Variants in IL15 observed in about 807,000 individuals in gnomAD.
IL15 encodes interleukin 15.
IL15 carries 11 observed loss-of-function variants against 19.6 expected under a neutral mutation model. That is an observed-to-expected ratio of 0.56 (90% CI 0.35 to 0.93). IL15 has a LOEUF of 0.93. Among genes scored for constraint, IL15 ranks in the 40% least tolerant of loss-of-function variants. The pLI is 0.01. For missense variants in IL15, 197 were observed against 186.5 expected (o/e 1.06, Z -0.33); for synonymous variants, 58 against 59.6 (o/e 0.97, Z 0.12).
chr4:141,703,504 T>C (rs2152182744), intron 2 of IL15, among the ~76,000 whole-genome samples: 1 of 152,282 alleles, frequency 6.6e-6, no homozygotes, highest in African/African-American at 2.4e-5. Context: ...CTAAATTTGT[T>C]CCAGCTCTTG....
chr4:141,659,508 T>C (rs1727719871), intron 2 of IL15, among the ~76,000 whole-genome samples: 1 of 152,218 alleles, frequency 6.6e-6, no homozygotes, highest in Non-Finnish European at 1.5e-5. Context: ...GCCAGTGTCT[T>C]ATTGATACAC....
intron 2 of IL15, among the ~76,000 whole-genome samples, chr4:141,664,392 A>ACACACACAC (rs1553987469): frequency 6.2e-5 from 7 of 112,734 alleles, no homozygotes; most frequent in Admixed American, 4.3e-4. Flanking sequence ...CACACACACA[A>ACACACACAC]AACCAACAAC....
intron 1 of IL15, among the ~76,000 whole-genome samples, chr4:141,654,776 G>T (rs140083286): frequency 2.1e-3 from 323 of 152,254 alleles, no homozygotes; most frequent in African/African-American, 7.4e-3. Context: ...GGGCGAAGGT[G>T]CATAAGAGCT....
At chr4:141,683,017 T>A (rs1728585938) in intron 2 of IL15, among the ~76,000 whole-genome samples, 1 of 151,564 alleles carries the variant, frequency 6.6e-6, no homozygotes. Flanking sequence ...ACGCCTGTAA[T>A]CTCAACACTT....
chr4:141,726,748 T>C (rs1730279142), intron 5 of IL15, among the ~76,000 whole-genome samples: 1 of 151,966 alleles, frequency 6.6e-6, no homozygotes, highest in African/African-American at 2.4e-5. Context: ...TACAGAGCAA[T>C]AAAAAGGAAC....
chr4:141,706,649 C>G (rs1729525676), intron 2 of IL15, among the ~76,000 whole-genome samples: 1 of 151,400 alleles, frequency 6.6e-6, no homozygotes, highest in African/African-American at 2.4e-5. Context: ...CTGGGAATGT[C>G]TTCATTTCTC....
chr4:141,693,312 C>T (rs1033017955), intron 2 of IL15, among the ~76,000 whole-genome samples: 2 of 152,048 alleles, frequency 1.3e-5, no homozygotes, highest in Admixed American at 1.3e-4. Context: ...GTCCCTCCCT[C>T]GACACATGGG....
At chr4:141,710,441 A>G (rs574982176) in intron 2 of IL15, among the ~76,000 whole-genome samples, 1 of 151,990 alleles carries the variant, frequency 6.6e-6, no homozygotes, top group South Asian at 2.1e-4. Context: ...TTTTTTTTGT[A>G]ATTTTTAAGC....
chr4:141,695,406 C>A (rs1302475138), intron 2 of IL15, among the ~76,000 whole-genome samples: 2 of 148,112 alleles, frequency 1.4e-5, no homozygotes, highest in Non-Finnish European at 1.5e-5. Flanking sequence ...TAAATGACAA[C>A]ACTTCATTCT....
intron 2 of IL15, among the ~76,000 whole-genome samples, chr4:141,690,907 C>T (rs927698931): frequency 6.6e-6 from 1 of 152,196 alleles, no homozygotes. Context: ...TATTTCCACT[C>T]TGCCAGGAAA....
At chr4:141,695,695 A>G (rs989659818) in intron 2 of IL15, among the ~76,000 whole-genome samples, 13 of 152,120 alleles carry the variant, frequency 8.5e-5, no homozygotes, top group African/African-American at 3.1e-4. Flanking sequence ...AATCTAACCA[A>G]CAGTGCATAA....
intron 2 of IL15, among the ~76,000 whole-genome samples, chr4:141,696,372 A>G (rs984377049): frequency 1.3e-5 from 2 of 152,182 alleles, no homozygotes; most frequent in East Asian, 1.9e-4. Context: ...AGAACCTCCT[A>G]CAATATTCTT....
chr4:141,674,240 A>C (rs1037716970), intron 2 of IL15, among the ~76,000 whole-genome samples: 2 of 152,190 alleles, frequency 1.3e-5, no homozygotes, highest in African/African-American at 4.8e-5. Context: ...TGTAGGATGC[A>C]AATACAGATC....
intron 2 of IL15, among the ~76,000 whole-genome samples, chr4:141,690,227 G>A (rs563954159): frequency 1.3e-5 from 2 of 152,110 alleles, no homozygotes; most frequent in East Asian, 3.9e-4. Flanking sequence ...CCCGGTTCCC[G>A]CTCGCACCTC....
intron 2 of IL15, among the ~76,000 whole-genome samples, chr4:141,672,766 G>T (rs1049389259): frequency 2.0e-5 from 3 of 152,194 alleles, no homozygotes; most frequent in Non-Finnish European, 4.4e-5. Flanking sequence ...TATGTTGATC[G>T]TAGACTCTAG....
At chr4:141,700,008 T>G (rs970941826) in intron 2 of IL15, among the ~76,000 whole-genome samples, 2 of 151,858 alleles carry the variant, frequency 1.3e-5, no homozygotes, top group Non-Finnish European at 2.9e-5. Context: ...AATCCCCATC[T>G]CCCGGGTTCA....
chr4:141,674,689 T>C (rs186679046), intron 2 of IL15, among the ~76,000 whole-genome samples: 84 of 152,302 alleles, frequency 5.5e-4, no homozygotes, highest in African/African-American at 2.0e-3. Flanking sequence ...TGCTAAATAG[T>C]GTGCTAGGCA....
At chr4:141,691,779 T>C (rs909286541) in intron 2 of IL15, among the ~76,000 whole-genome samples, 2 of 152,212 alleles carry the variant, frequency 1.3e-5, no homozygotes, top group African/African-American at 4.8e-5. Context: ...GCTGCTTTCA[T>C]GGGCTGGCAT....
chr4:141,651,906 A>G (rs1373276891), intron 1 of IL15, among the ~76,000 whole-genome samples: 2 of 151,984 alleles, frequency 1.3e-5, no homozygotes, highest in Non-Finnish European at 2.9e-5. Context: ...AAACCCTCCA[A>G]AGAAATCCGA....
Sources: allele counts gnomAD v4.1 joint callset (sites outside exome capture counted in the v4.1 genomes callset), GRCh38; gene constraint gnomAD v4.1.1; transcripts MANE v1.5; gene names NCBI Gene and HGNC (gene_info 2026-07-23, HGNC 2026-07-21).